Variants in BRAF observed in about 807,000 individuals in gnomAD.
BRAF encodes serine/threonine-protein kinase B-raf.
A neutral mutation model predicts 104.6 loss-of-function variants in BRAF; 16 were observed. The observed-to-expected ratio is 0.15, with a 90% CI of 0.10 to 0.23. The LOEUF is 0.23. Among genes scored for constraint, BRAF ranks in the 10% least tolerant of loss-of-function variants. BRAF has a pLI of 1.00. For synonymous variants in BRAF, 310 were observed against 341.6 expected (o/e 0.91, Z 1.02); for missense variants, 541 against 937.3 (o/e 0.58, Z 5.52).
rs577895342 is a variant in BRAF at position 140,922,766 on chromosome 7, T to G, written c.138+1800A>C. ...AATGTATCCTAAAAATAAATTTCCA[T>G]GTCAAAGGAAACAAAGATGTTTATA... On this transcript the variant is annotated intron_variant, in intron 1 of 19. Coordinates refer to ENST00000644969, the MANE Select transcript of BRAF (RefSeq NM_001374258.1). 3.5e-4 allele frequency among the ~76,000 whole-genome samples: 53 copies of G among 152,172 alleles called. 1 individual carries two copies. Among genetic ancestry groups the G allele is most frequent in the African/African-American group, 1.3e-3 (52 of 41,518 alleles).
At chr7:140,734,232 C>A (rs1796197861) in intron 19 of BRAF, 6 of 1,151,994 alleles carry the variant, frequency 5.2e-6, no homozygotes, top group African/African-American at 3.1e-5. Context: ...TAGGTAGGGT[C>A]TTCTTCTGGA....
chr7:140,924,621 C>CCGGCCT lies in BRAF; in HGVS notation c.77_82dup (p.Glu26_Ala27dup), dbSNP rs1268265299. Reference sequence around the variant, plus strand: ...AGAGGCCGCGGCGCCGGCGCCGGCGCCGGCCTCGGGCTCCATGTCCCCGTT... The same window carrying CCGGCCT: ...AGAGGCCGCGGCGCCGGCGCCGGCGCCGGCCTCGGCCTCGGGCTCCATGTCCCCGTT... On this transcript the variant is annotated inframe_insertion, in exon 1 of 20. Transcript: ENST00000644969. This position sits in a 1 kb window ranked among gnomAD's most constrained non-coding sequence, Gnocchi z 4.2. 11 of 1,525,582 alleles carry CCGGCCT rather than the reference C, an allele frequency of 7.2e-6. No homozygotes were observed. The highest frequency in any genetic ancestry group is 2.5e-5 in the East Asian group (1 of 40,458). 94.5% of individuals were successfully genotyped at this position (1,525,582 alleles called of 1,614,324 possible).
At chr7:140,831,345 G>A (rs1806723485) in intron 3 of BRAF, among the ~76,000 whole-genome samples, 1 of 152,162 alleles carries the variant, frequency 6.6e-6, no homozygotes, top group African/African-American at 2.4e-5. Context: ...GATGGAAGCA[G>A]AGTATTATTT....
At position 140,802,021 on chromosome 7, in the gene BRAF, T is replaced by C. The variant is rs897059615; in HGVS notation, c.712-461A>G. Among the ~76,000 whole-genome samples, 3 of 151,992 alleles carry C rather than the reference T, an allele frequency of 2.0e-5. No individual in the cohort carries two copies. The East Asian group carries it at 5.8e-4, about 29-fold the overall frequency. On this transcript the variant is annotated intron_variant, in intron 5 of 19. Transcript: ENST00000644969. The stretch of plus-strand genomic sequence containing the variant: ...AACCAAAAAACTACTAATAAAAATA[T>C]TGGGGGAGAGGAGGGAGAGGAAGAA...
intron 19 of BRAF, among the ~76,000 whole-genome samples, chr7:140,729,637 G>A (rs1220938379): frequency 2.0e-5 from 3 of 151,852 alleles, no homozygotes; most frequent in East Asian, 1.9e-4. Context: ...AAAAAATTAC[G>A]TGTGGTGCCA....
At chr7:140,848,015 G>A (rs1808761575) in intron 2 of BRAF, among the ~76,000 whole-genome samples, 1 of 152,098 alleles carries the variant, frequency 6.6e-6, no homozygotes, top group Admixed American at 6.6e-5. Context: ...TGTGAGTTAT[G>A]GTCTGATGTA....
intron 14 of BRAF, 27 bp downstream of exon 13, chr7:140,776,885 A>G (rs766753485): frequency 6.2e-7 from 1 of 1,600,602 alleles, no homozygotes; most frequent in Non-Finnish European, 8.6e-7. Context: ...AAAATAATTT[A>G]CAAGACATTT....
chr7:140,924,893 C>T lies in BRAF; in HGVS notation c.-190G>A, dbSNP rs1011668241. 3.1e-4 allele frequency: 52 copies of T among 167,810 alleles called. No individual in the cohort carries two copies. The highest frequency in any genetic ancestry group is 1.1e-4 in the Non-Finnish European group (9 of 81,978). 10.4% of individuals were successfully genotyped at this position (167,810 alleles called of 1,614,324 possible). A position where few individuals can be genotyped will look rare whatever the true frequency, so the allele number is the denominator to read the frequency against. ...GGCCACCTCAGGTACCGGCCCGCGGCCCCGGGCGCAGCCGAGCCTGAGGGG... is the reference window on the plus strand; with the variant it reads ...GGCCACCTCAGGTACCGGCCCGCGGTCCCGGGCGCAGCCGAGCCTGAGGGG... On this transcript the variant is annotated 5_prime_UTR_variant, in exon 1 of 20. Transcript: ENST00000644969. This position sits in a 1 kb window ranked among gnomAD's most constrained non-coding sequence, Gnocchi z 4.2.
At chr7:140,798,559 CTTTTTTTTT>C (rs1033928919) in intron 7 of BRAF, among the ~76,000 whole-genome samples, 3 of 125,344 alleles carry the variant, frequency 2.4e-5, no homozygotes, top group Non-Finnish European at 3.4e-5. Context: ...CGCGCCCGGC[CTTTTTTTTT>C]TTTTTTTTTT....
chr7:140,874,982 C>T (rs909007496), intron 1 of BRAF, among the ~76,000 whole-genome samples: 5 of 152,162 alleles, frequency 3.3e-5, no homozygotes, highest in Admixed American at 6.5e-5. Flanking sequence ...TTCCCCTTTA[C>T]ACCTTTCACC....
chr7:140,886,777 T>C (rs1813614276), intron 1 of BRAF, among the ~76,000 whole-genome samples: 1 of 152,226 alleles, frequency 6.6e-6, no homozygotes, highest in Non-Finnish European at 1.5e-5. Flanking sequence ...TGTGTATGTA[T>C]GTATTTTTTA....
chr7:140,735,880 AT>A (rs963029570), intron 18 of BRAF, among the ~76,000 whole-genome samples: 2 of 151,980 alleles, frequency 1.3e-5, no homozygotes, highest in African/African-American at 4.8e-5. Flanking sequence ...TAAAAGTTAA[AT>A]TTTTTTTAAA....
At chr7:140,850,389 A>G (rs960366222) in intron 1 of BRAF, among the ~76,000 whole-genome samples, 177 bp from the exon 2 acceptor site, 1 of 152,172 alleles carries the variant, frequency 6.6e-6, no homozygotes, top group Admixed American at 6.5e-5. Flanking sequence ...ATTTTTTTCT[A>G]CACTAGTAAT....
At chr7:140,803,339 G>T (rs1399411123) in intron 5 of BRAF, among the ~76,000 whole-genome samples, 1 of 152,104 alleles carries the variant, frequency 6.6e-6, no homozygotes, top group Non-Finnish European at 1.5e-5. Context: ...GGGAGGGAGA[G>T]AGACTATAAA....
chr7:140,774,837 G>A (rs1800177845), intron 14 of BRAF, among the ~76,000 whole-genome samples: 1 of 152,188 alleles, frequency 6.6e-6, no homozygotes, highest in Non-Finnish European at 1.5e-5. Context: ...GCTGTGATGT[G>A]AGAAGGATTT....
chr7:140,859,142 C>G (rs1810120952), intron 1 of BRAF, among the ~76,000 whole-genome samples: 1 of 152,098 alleles, frequency 6.6e-6, no homozygotes, highest in Non-Finnish European at 1.5e-5. Context: ...GTGACGGAAA[C>G]AACAAAATAA....
At position 140,720,290 on chromosome 7, in the gene BRAF, T is replaced by A. The variant is rs567592391; in HGVS notation, c.*6204A>T. 3.2e-5 allele frequency: 34 copies of A among 1,062,356 alleles called. No individual in the cohort carries two copies. In the African/African-American group the frequency reaches 4.9e-4, roughly 15 times the overall value. 65.8% of individuals were successfully genotyped at this position (1,062,356 alleles called of 1,614,324 possible). A position where few individuals can be genotyped will look rare whatever the true frequency, so the allele number is the denominator to read the frequency against. On this transcript the variant is annotated 3_prime_UTR_variant, in exon 20 of 20. Coordinates refer to ENST00000644969, the MANE Select transcript of BRAF (RefSeq NM_001374258.1). Reference sequence around the variant, plus strand: ...GCGATATCATGAAGGCCAAACTGAGTCTATATATGTGGCATGGCCAAAGGA... The same window carrying A: ...GCGATATCATGAAGGCCAAACTGAGACTATATATGTGGCATGGCCAAAGGA...
At chr7:140,860,694 A>C (rs977157281) in intron 1 of BRAF, among the ~76,000 whole-genome samples, 2 of 152,140 alleles carry the variant, frequency 1.3e-5, no homozygotes, top group African/African-American at 4.8e-5. Flanking sequence ...AGACTGCAAA[A>C]AAATTGGGCC....
At chr7:140,848,775 G>C (rs1012645720) in intron 2 of BRAF, among the ~76,000 whole-genome samples, 1 of 152,128 alleles carries the variant, frequency 6.6e-6, no homozygotes, top group Non-Finnish European at 1.5e-5. Context: ...ACACTAACTA[G>C]TAATGAGAAA....
Sources: gnomAD v4.1 joint callset for allele counts (sites outside exome capture counted in the v4.1 genomes callset) on GRCh38, gnomAD v4.1.1 for gene constraint, Gnocchi (gnomAD v3.1) non-coding constraint, MANE v1.5 for transcripts, NCBI Gene and HGNC (gene_info 2026-07-23, HGNC 2026-07-21) for gene names.